Variants in FGF14 observed in about 807,000 individuals in gnomAD.
FGF14 encodes the protein fibroblast growth factor 14.
FGF14 carries 5 observed loss-of-function variants against 25.5 expected under a neutral mutation model. The observed-to-expected ratio is 0.20, with a 90% CI of 0.10 to 0.41. The LOEUF is 0.41. FGF14 is among the 10% of genes least tolerant of loss of function. The pLI, the probability that FGF14 is intolerant of heterozygous loss-of-function variation, is 1.00. For missense variants in FGF14, 222 were observed against 320.1 expected (o/e 0.69, Z 2.34); for synonymous variants, 138 against 118.3 (o/e 1.17, Z -1.08).
At chr13:102,091,128 T>A (rs1384643102) in intron 1 of FGF14, among the ~76,000 whole-genome samples, 1 of 152,146 alleles carries the variant, frequency 6.6e-6, no homozygotes, top group African/African-American at 2.4e-5. Flanking sequence ...AATATGCAAA[T>A]GCTTAGGTAC....
intron 3 of FGF14, among the ~76,000 whole-genome samples, chr13:101,849,493 C>A (rs1044984184): frequency 6.6e-6 from 1 of 152,040 alleles, no homozygotes; most frequent in Non-Finnish European, 1.5e-5. Flanking sequence ...TCTCTAGGCA[C>A]AGGGGCACTG....
intron 1 of FGF14, among the ~76,000 whole-genome samples, chr13:102,280,404 C>A (rs2053769947): frequency 6.6e-6 from 1 of 152,106 alleles, no homozygotes; most frequent in Admixed American, 6.5e-5. Context: ...ACTGCACAAC[C>A]AACTGATGCT....
At chr13:102,103,311 T>A (rs1227109892) in intron 1 of FGF14, among the ~76,000 whole-genome samples, 1 of 148,378 alleles carries the variant, frequency 6.7e-6, no homozygotes, top group Admixed American at 6.8e-5. Context: ...AATAACTGTG[T>A]CATTTTAGAT....
intron 1 of FGF14, among the ~76,000 whole-genome samples, chr13:101,941,209 T>C (rs1421126156): frequency 6.6e-6 from 1 of 152,160 alleles, no homozygotes; most frequent in Non-Finnish European, 1.5e-5. Context: ...AGTCAACACC[T>C]TTTCACAAAA....
chr13:101,826,411 T>G (rs1205731123), intron 3 of FGF14, among the ~76,000 whole-genome samples: 1 of 152,076 alleles, frequency 6.6e-6, no homozygotes, highest in Non-Finnish European at 1.5e-5. Context: ...AGTAGACCGA[T>G]CAGACACAAA....
At chr13:102,205,265 G>T (rs1594400753) in intron 1 of FGF14, among the ~76,000 whole-genome samples, 1 of 152,170 alleles carries the variant, frequency 6.6e-6, no homozygotes, top group South Asian at 2.1e-4. Context: ...ATAAAATGGA[G>T]AATATTTCTA....
rs142468322 is a variant in FGF14, at chr13:102,085,380, C to CAACT, written c.209-210088_209-210085dup. ...GAAGATTCCCTCACCCCAAATCCCT[C>CAACT]AACTGGTAAATGCTAGAGAAATAAC... On this transcript the variant is annotated intron_variant, in intron 1 of 4. Transcript: ENST00000376131. 2.8e-3 allele frequency among the ~76,000 whole-genome samples: 425 copies of CAACT among 152,286 alleles called. 1 individual carries two copies. The highest frequency in any genetic ancestry group is 9.6e-3 in the African/African-American group (401 of 41,560).
chr13:101,949,125 T>G (rs922967309), intron 1 of FGF14, among the ~76,000 whole-genome samples: 8 of 152,222 alleles, frequency 5.3e-5, no homozygotes, highest in African/African-American at 1.9e-4. Flanking sequence ...TTGTCCATTT[T>G]ACGTTTAGGT....
chr13:102,080,513 C>T (rs1187327445), intron 1 of FGF14, among the ~76,000 whole-genome samples: 7 of 152,180 alleles, frequency 4.6e-5, no homozygotes, highest in Non-Finnish European at 8.8e-5. Context: ...GCCATTTTCT[C>T]CTTTTAAGAT....
At chr13:102,128,853 C>T (rs1403792253) in intron 1 of FGF14, among the ~76,000 whole-genome samples, 2 of 152,130 alleles carry the variant, frequency 1.3e-5, no homozygotes, top group Non-Finnish European at 2.9e-5. Flanking sequence ...GAGGCTAAGG[C>T]AGGCGGATCA....
intron 1 of FGF14, among the ~76,000 whole-genome samples, chr13:102,010,946 T>C (rs1478581515): frequency 6.6e-6 from 1 of 152,178 alleles, no homozygotes; most frequent in Non-Finnish European, 1.5e-5. Flanking sequence ...TCTCTTAACA[T>C]TGCCTACATA....
intron 1 of FGF14, among the ~76,000 whole-genome samples, chr13:102,079,455 T>C (rs2043515381): frequency 2.0e-5 from 3 of 152,182 alleles, no homozygotes; most frequent in Non-Finnish European, 4.4e-5. Context: ...TATTTATTTA[T>C]TTATCTTTAG....
At chr13:101,803,233 A>T (rs916534684) in intron 3 of FGF14, among the ~76,000 whole-genome samples, 3 of 150,120 alleles carry the variant, frequency 2.0e-5, no homozygotes, top group African/African-American at 7.4e-5. Context: ...GGATCAAGGG[A>T]TCATTCCACC....
At chr13:102,113,344 G>T (rs1326330935) in intron 1 of FGF14, among the ~76,000 whole-genome samples, 1 of 152,102 alleles carries the variant, frequency 6.6e-6, no homozygotes, top group African/African-American at 2.4e-5. Flanking sequence ...TTCCTAACCT[G>T]TCCCTCTGTG....
At chr13:102,165,500 T>A (rs2047960948) in intron 1 of FGF14, among the ~76,000 whole-genome samples, 1 of 151,250 alleles carries the variant, frequency 6.6e-6, no homozygotes. Flanking sequence ...AAATGATGAG[T>A]TCATGTCCTT....
chr13:102,277,399 C>T (rs2053600627), intron 1 of FGF14, among the ~76,000 whole-genome samples: 1 of 152,230 alleles, frequency 6.6e-6, no homozygotes, highest in Admixed American at 6.5e-5. Context: ...GTGCAGGGCA[C>T]TCAATGCCCT....
chr13:102,340,587 TCTAA>T (rs1238865476), intron 1 of FGF14, among the ~76,000 whole-genome samples: 13 of 152,330 alleles, frequency 8.5e-5, no homozygotes, highest in South Asian at 4.1e-4. Flanking sequence ...AGTCCTTTTG[TCTAA>T]CTATCATATT....
intron 1 of FGF14, chr13:102,263,105 GT>G (rs59583287): frequency 0.14 from 90,729 of 628,008 alleles, 8,106 homozygotes; most frequent in East Asian, 0.39. Context: ...TTTATTACCA[GT>G]TTTCGTCTAA....
chr13:102,173,345 A>C (rs556838688), intron 1 of FGF14, among the ~76,000 whole-genome samples: 8 of 152,144 alleles, frequency 5.3e-5, no homozygotes, highest in Admixed American at 1.3e-4. Context: ...TGGTGAGGAC[A>C]CGGAGAAATT....
Sources: allele counts gnomAD v4.1 joint callset (sites outside exome capture counted in the v4.1 genomes callset), GRCh38; gene constraint gnomAD v4.1.1; transcripts MANE v1.5; gene names NCBI Gene and HGNC (gene_info 2026-07-23, HGNC 2026-07-21).